The following C16orf96 variants were observed in gnomAD, a reference collection of about 807,000 sequenced individuals.
C16orf96 encodes chromosome 16 open reading frame 96.
Under a neutral mutation model 103.6 loss-of-function variants are expected in C16orf96, and 108 were observed. The observed-to-expected ratio is 1.04, with a 90% CI of 0.89 to 1.22. The LOEUF is 1.22. Ranked by LOEUF, C16orf96 falls within the 50% of genes most tolerant of loss-of-function variation. The pLI, the probability that C16orf96 is intolerant of heterozygous loss-of-function variation, is 0.00. For missense variants in C16orf96, 1,586 were observed against 1,464.2 expected, an observed-to-expected ratio of 1.08 and a Z score of -1.36; for synonymous variants, 566 against 593.5, an observed-to-expected ratio of 0.95 and a Z score of 0.67.
At chr16:4,541,466 C>T in the C16orf96 span, among the ~76,000 whole-genome samples, 3 of 152,152 alleles carry the variant, frequency 2.0e-5, no homozygotes, top group South Asian at 2.1e-4. Context: ...CCCAGCCACT[C>T]GGGAGGCTGA....
chr16:4,584,938 TGG>T (rs1896885275), intron 7 of C16orf96, among the ~76,000 whole-genome samples: 1 of 152,178 alleles, frequency 6.6e-6, no homozygotes, highest in Non-Finnish European at 1.5e-5. Flanking sequence ...CCCAAAGTGC[TGG>T]GATTACAGGC....
At chr16:4,597,585 T>C (rs553018302) in intron 14 of C16orf96, among the ~76,000 whole-genome samples, 83 of 151,998 alleles carry the variant, frequency 5.5e-4, no homozygotes, top group Non-Finnish European at 9.9e-4. Flanking sequence ...AGACGGAGTT[T>C]CGCTCTTGTT....
chr16:4,565,650 G>A (rs892452438), intron 1 of C16orf96, among the ~76,000 whole-genome samples: 2 of 152,034 alleles, frequency 1.3e-5, no homozygotes, highest in Non-Finnish European at 2.9e-5. Context: ...CACCACACCC[G>A]GCTAATTTTT....
At chr16:4,566,753 C>G (rs868636875) in intron 1 of C16orf96, among the ~76,000 whole-genome samples, 1 of 151,926 alleles carries the variant, frequency 6.6e-6, no homozygotes, top group Non-Finnish European at 1.5e-5. Flanking sequence ...TAATGATTTT[C>G]TAGGAATTTG....
At chr16:4,557,824 T>C (rs772199094) in intron 1 of C16orf96, among the ~76,000 whole-genome samples, 6 of 152,082 alleles carry the variant, frequency 3.9e-5, no homozygotes, top group Non-Finnish European at 7.4e-5. Flanking sequence ...TGTGCACCAC[T>C]GCACCTGGCT....
At chr16:4,563,816 G>T (rs1567439574) in intron 1 of C16orf96, among the ~76,000 whole-genome samples, 1 of 144,990 alleles carries the variant, frequency 6.9e-6, no homozygotes, top group Non-Finnish European at 1.5e-5. Flanking sequence ...TGATCCACCC[G>T]CCTGGGCCTC....
chr16:4,542,239 C>T, the C16orf96 span, among the ~76,000 whole-genome samples: 2 of 152,146 alleles, frequency 1.3e-5, no homozygotes, highest in African/African-American at 4.8e-5. Flanking sequence ...GTGGCTCATG[C>T]CCATAGTCCC....
intron 6 of C16orf96, among the ~76,000 whole-genome samples, chr16:4,579,611 C>T (rs1179840524): frequency 4.2e-5 from 3 of 71,432 alleles, no homozygotes; most frequent in African/African-American, 1.4e-4. Flanking sequence ...GGTCTGATAC[C>T]TTATTTTTTT....
intron 9 of C16orf96, 138 bp downstream of exon 9, chr16:4,588,469 G>A: frequency 1.0e-6 from 1 of 976,532 alleles, no homozygotes; most frequent in Non-Finnish European, 1.5e-6. Context: ...GGTGGCTCAG[G>A]GTTTCCTGTG....
At chr16:4,548,826 T>C in the C16orf96 span, among the ~76,000 whole-genome samples, 1 of 149,792 alleles carries the variant, frequency 6.7e-6, no homozygotes, top group East Asian at 2.0e-4. Context: ...TGAGCCAAGG[T>C]TGCAATGTCA....
chr16:4,552,719 A>G (rs1223933516), upstream of C16orf96, among the ~76,000 whole-genome samples: 1 of 151,824 alleles, frequency 6.6e-6, no homozygotes, highest in African/African-American at 2.4e-5. Flanking sequence ...AGTGTGTGCA[A>G]TTTTTCAGCA....
In C16orf96 at chr16:4,556,516, G is replaced by T. The variant is rs1387717804; in HGVS notation, c.27G>T (p.Glu9Asp). 2 of 1,537,382 alleles carry T rather than the reference G, an allele frequency of 1.3e-6. No homozygotes were observed. Among genetic ancestry groups the T allele is most frequent in the East Asian group, 2.5e-5 (1 of 40,552 alleles). Residue 9 changes from glutamate to aspartate, a missense_variant, in exon 1 of 16, where the codon GAG becomes GAT. Transcript: ENST00000444310. MSFSLTFTELANIAIPQCG... is the reference protein window; with the variant it reads MSFSLTFTDLANIAIPQCG... Reference sequence around the variant, plus strand: ...TGAGCTTCTCACTCACGTTCACCGAGCTGGCCAACATCGCCATCCCACAGT... The same window carrying T: ...TGAGCTTCTCACTCACGTTCACCGATCTGGCCAACATCGCCATCCCACAGT...
intron 1 of C16orf96, among the ~76,000 whole-genome samples, chr16:4,565,463 G>T (rs1384105190): frequency 6.6e-6 from 1 of 152,182 alleles, no homozygotes; most frequent in Non-Finnish European, 1.5e-5. Context: ...AGAGGGGGAG[G>T]TTGTAGTAAG....
At chr16:4,582,817 G>A (rs750652841) in intron 7 of C16orf96, among the ~76,000 whole-genome samples, 2 of 152,184 alleles carry the variant, frequency 1.3e-5, no homozygotes, top group South Asian at 2.1e-4. Flanking sequence ...GTCTGCCTGC[G>A]TGTCCGTAGT....
chr16:4,543,598 T>G, the C16orf96 span, among the ~76,000 whole-genome samples: 1 of 152,128 alleles, frequency 6.6e-6, no homozygotes, highest in African/African-American at 2.4e-5. Flanking sequence ...GTGCTGCGAT[T>G]ACAGGCATGA....
Position 4,599,459 on chromosome 16 carries a change from C to G in C16orf96, c.3208+95C>G, listed in dbSNP as rs547530888. On this transcript the variant is annotated intron_variant, in intron 15 of 15. Transcript: ENST00000444310. ...TCCCATCCCCCACACCCCGCCTGGG[C>G]TCTCCTGTCCACCTCCTCCACCTCC... The G allele has an allele frequency of 6.5e-5, 71 of 1,093,204 alleles. No homozygotes were observed. The African/African-American group carries it at 9.4e-4, about 15-fold the overall frequency. The allele number at this position is 1,093,204 out of a possible 1,614,324, so 67.7% of individuals were successfully genotyped here. A position where few individuals can be genotyped will look rare whatever the true frequency, so the allele number is the denominator to read the frequency against.
At chr16:4,547,689 C>CTTCCTTCT in the C16orf96 span, among the ~76,000 whole-genome samples, 176 of 22,554 alleles carry the variant, frequency 7.8e-3, no homozygotes, top group South Asian at 0.053. Flanking sequence ...TCCTTCCTTC[C>CTTCCTTCT]TTCTTTCTTT....
intron 14 of C16orf96, among the ~76,000 whole-genome samples, chr16:4,599,038 G>A (rs1488562015): frequency 2.6e-5 from 4 of 151,790 alleles, no homozygotes; most frequent in Non-Finnish European, 5.9e-5. Context: ...AGGATTGCTT[G>A]AGCCCAGGAG....
At chr16:4,584,588 G>T (rs1244177003) in intron 7 of C16orf96, among the ~76,000 whole-genome samples, 2 of 151,870 alleles carry the variant, frequency 1.3e-5, no homozygotes. Flanking sequence ...AGGCTGGAGT[G>T]CAATGGCGCA....
Sources: allele counts gnomAD v4.1 joint callset (sites outside exome capture counted in the v4.1 genomes callset), GRCh38; gene constraint gnomAD v4.1.1; transcripts MANE v1.5; gene names NCBI Gene and HGNC (gene_info 2026-07-23, HGNC 2026-07-21).